AHI1: variants seen among roughly 807,000 people sequenced by gnomAD.
The protein encoded by AHI1 is jouberin.
AHI1 carries 123 observed loss-of-function variants against 149.3 expected under a neutral mutation model. The observed-to-expected ratio is 0.82, with a 90% CI of 0.71 to 0.96. The LOEUF (loss-of-function observed/expected upper bound fraction) is 0.96, where lower values mean the gene tolerates loss of function less well. Ranked by LOEUF, AHI1 falls within the 40% of genes least tolerant of loss-of-function variation. The probability of loss-of-function intolerance (pLI) is 0.00; values close to 1 mark genes in which losing one functional copy is unlikely to be tolerated. For missense variants in AHI1, 1,439 were observed against 1,422.7 expected, an observed-to-expected ratio of 1.01 and a Z score of -0.18; for synonymous variants, 475 against 459.8, an observed-to-expected ratio of 1.03 and a Z score of -0.42.
At chr6:135,482,894 C>CTTTTTTTGTTTTTTTTTTTTTTTTTT (rs1793905606) in intron 5 of AHI1, among the ~76,000 whole-genome samples, 1 of 55,734 alleles carries the variant, frequency 1.8e-5, no homozygotes, top group Non-Finnish European at 2.8e-5. Context: ...CCATTTAAGG[C>CTTTTTTTGTTTTTTTTTTTTTTTTTT]TTTTTTTTTT....
chr6:135,287,689 G>C (rs1041224267), intron 28 of AHI1, among the ~76,000 whole-genome samples: 2 of 152,200 alleles, frequency 1.3e-5, no homozygotes, highest in African/African-American at 2.4e-5. Context: ...CTTTTTAAAG[G>C]CTCTTGTGAT....
At chr6:135,411,598 G>A (rs1272677386) in intron 20 of AHI1, 54 bp from the exon 21 acceptor site, 2 of 1,398,376 alleles carry the variant, frequency 1.4e-6, no homozygotes, top group Non-Finnish European at 1.9e-6. Flanking sequence ...GCATAATCAA[G>A]CCCTAAAACT....
chr6:135,297,592 C>A, intron 27 of AHI1: 1 of 447,946 alleles, frequency 2.2e-6, no homozygotes. Context: ...ACCTGTAATG[C>A]TTCTTTAATA....
intron 23 of AHI1, among the ~76,000 whole-genome samples, chr6:135,381,742 G>T (rs916025274): frequency 6.6e-6 from 1 of 152,054 alleles, no homozygotes; most frequent in South Asian, 2.1e-4. Flanking sequence ...TGTTTTATAC[G>T]CATGCCCTGT....
intron 23 of AHI1, among the ~76,000 whole-genome samples, chr6:135,365,592 T>C (rs1774056298): frequency 6.6e-6 from 1 of 152,212 alleles, no homozygotes; most frequent in Non-Finnish European, 1.5e-5. Flanking sequence ...GGGGGTTCAG[T>C]TCTTGGTTTG....
At chr6:135,317,025 C>T (rs527487641) in intron 26 of AHI1, among the ~76,000 whole-genome samples, 24 of 152,256 alleles carry the variant, frequency 1.6e-4, no homozygotes, top group Middle Eastern at 3.4e-3. Flanking sequence ...ATCCTAGATT[C>T]CAACTTCACT....
intron 28 of AHI1, among the ~76,000 whole-genome samples, chr6:135,288,298 G>A (rs187180572): frequency 6.6e-6 from 1 of 152,142 alleles, no homozygotes; most frequent in Non-Finnish European, 1.5e-5. Flanking sequence ...ACAAAGCAAT[G>A]TGTAAGAGAA....
intron 24 of AHI1, among the ~76,000 whole-genome samples, chr6:135,323,823 TA>T (rs1300931374): frequency 2.6e-5 from 4 of 152,210 alleles, no homozygotes; most frequent in African/African-American, 9.6e-5. Flanking sequence ...CACACATACA[TA>T]TTTTTTGATG....
intron 24 of AHI1, among the ~76,000 whole-genome samples, chr6:135,354,035 A>C (rs1187146365): frequency 2.0e-5 from 3 of 152,140 alleles, no homozygotes; most frequent in African/African-American, 7.2e-5. Flanking sequence ...CAAGCGTTTC[A>C]TAGTTGGTAT....
chr6:135,369,968 T>C (rs1774782485), intron 23 of AHI1, among the ~76,000 whole-genome samples: 1 of 152,230 alleles, frequency 6.6e-6, no homozygotes, highest in South Asian at 2.1e-4. Flanking sequence ...GTGTAACAGA[T>C]ATTTTAAAAT....
chr6:135,468,509 GC>G (rs1791172980), intron 5 of AHI1, among the ~76,000 whole-genome samples: 1 of 152,072 alleles, frequency 6.6e-6, no homozygotes, highest in Non-Finnish European at 1.5e-5. Context: ...TTCGAGATCA[GC>G]CTGGCCAACA....
At chr6:135,490,807 C>A in intron 4 of AHI1, 60 bp from the exon 5 acceptor site, 1 of 1,548,390 alleles carries the variant, frequency 6.5e-7, no homozygotes, top group Non-Finnish European at 8.7e-7. Context: ...ACAACCTACA[C>A]TACTAGGATG....
chr6:135,431,945 A>G (rs932052377), intron 16 of AHI1, among the ~76,000 whole-genome samples: 4 of 151,410 alleles, frequency 2.6e-5, no homozygotes, highest in East Asian at 1.9e-4. Context: ...AAGAAAATCT[A>G]TCTTCTACAG....
At chr6:135,294,074 C>T (rs565496189) in intron 27 of AHI1, among the ~76,000 whole-genome samples, 4 of 152,240 alleles carry the variant, frequency 2.6e-5, no homozygotes, top group Admixed American at 1.3e-4. Context: ...CCTGTAATCC[C>T]AGCACTTGGG....
chr6:135,352,896 T>G (rs893155255), intron 24 of AHI1, among the ~76,000 whole-genome samples: 13 of 151,468 alleles, frequency 8.6e-5, no homozygotes, highest in African/African-American at 2.7e-4. Flanking sequence ...CTATGTATAT[T>G]GTATACCTCA....
At chr6:135,470,434 TTGCTATTTG>T (rs2128104686) in intron 5 of AHI1, among the ~76,000 whole-genome samples, 1 of 152,276 alleles carries the variant, frequency 6.6e-6, no homozygotes, top group South Asian at 2.1e-4. Flanking sequence ...AGAACCAGAA[TTGCTATTTG>T]ACCAAGCAAT....
chr6:135,483,305 C>G (rs1008687793), intron 5 of AHI1, among the ~76,000 whole-genome samples: 4 of 152,054 alleles, frequency 2.6e-5, no homozygotes, highest in Non-Finnish European at 5.9e-5. Context: ...TCCAGGCCAG[C>G]ACTTATATAG....
At chr6:135,486,579 G>A (rs935351473) in intron 5 of AHI1, among the ~76,000 whole-genome samples, 2 of 151,946 alleles carry the variant, frequency 1.3e-5, no homozygotes, top group African/African-American at 4.8e-5. Context: ...ATTTCAATGT[G>A]TTCATATATT....
chr6:135,426,732 A>G (rs1392108147), intron 20 of AHI1, among the ~76,000 whole-genome samples: 1 of 151,692 alleles, frequency 6.6e-6, no homozygotes, highest in East Asian at 1.9e-4. Context: ...TCTCAGAATG[A>G]TAGAATAGTG....
Sources: gnomAD v4.1 joint callset for allele counts (sites outside exome capture counted in the v4.1 genomes callset) on GRCh38, gnomAD v4.1.1 for gene constraint, MANE v1.5 for transcripts, NCBI Gene and HGNC (gene_info 2026-07-23, HGNC 2026-07-21) for gene names.